The following CA8 variants were observed in gnomAD, a reference collection of about 807,000 sequenced individuals.
The protein encoded by CA8 is carbonic anhydrase-related protein.
Under a neutral mutation model 41.4 loss-of-function variants are expected in CA8, and 22 were observed. The observed-to-expected ratio is 0.53, with a 90% CI of 0.38 to 0.76. The LOEUF is 0.76. Among genes scored for constraint, CA8 ranks in the 30% least tolerant of loss-of-function variants. The pLI, the probability that CA8 is intolerant of heterozygous loss-of-function variation, is 0.00. For missense variants in CA8, 270 were observed against 352.8 expected (o/e 0.77, Z 1.88); for synonymous variants, 121 against 130.6 (o/e 0.93, Z 0.50).
intron 3 of CA8, among the ~76,000 whole-genome samples, chr8:60,254,431 G>T (rs1220424590): frequency 6.6e-6 from 1 of 152,148 alleles, no homozygotes; most frequent in Non-Finnish European, 1.5e-5. Flanking sequence ...AATATAGTCA[G>T]TCTCTAGATC....
intron 8 of CA8, among the ~76,000 whole-genome samples, chr8:60,191,813 C>A: frequency 6.6e-6 from 1 of 152,106 alleles, no homozygotes; most frequent in East Asian, 1.9e-4. Flanking sequence ...AATACACAGT[C>A]ATTCTAATCA....
intron 3 of CA8, among the ~76,000 whole-genome samples, chr8:60,261,738 C>T (rs114439004): frequency 0.034 from 5,125 of 152,198 alleles, 282 homozygotes; most frequent in African/African-American, 0.11. Flanking sequence ...CTGTTGGTCT[C>T]CCCATCACTT....
At chr8:60,224,473 G>A in intron 6 of CA8, 64 bp downstream of exon 6, 1 of 953,164 alleles carries the variant, frequency 1.0e-6, no homozygotes, top group Non-Finnish European at 1.7e-6. Context: ...TACATAGTCT[G>A]AAGAAAACAA....
intron 3 of CA8, among the ~76,000 whole-genome samples, chr8:60,249,566 A>G (rs1285542394): frequency 6.6e-6 from 1 of 152,196 alleles, no homozygotes; most frequent in African/African-American, 2.4e-5. Flanking sequence ...CAGAAAAGTA[A>G]TATTTCTTAA....
At position 60,277,568 on chromosome 8, in the gene CA8, T is replaced by C. The variant is rs554956875; in HGVS notation, c.292+2121A>G. On this transcript the variant is annotated intron_variant, in intron 2 of 8. Coordinates refer to ENST00000317995, the MANE Select transcript of CA8 (RefSeq NM_004056.6). ...TGGGGTTTCACCATGTTGGTCAGGCTGGTGTCGAACTCCTGACCTCCACTG... is the reference window on the plus strand; with the variant it reads ...TGGGGTTTCACCATGTTGGTCAGGCCGGTGTCGAACTCCTGACCTCCACTG... Among the ~76,000 whole-genome samples, 7 of 152,274 alleles carry C rather than the reference T, an allele frequency of 4.6e-5. No individual in the cohort carries two copies. In the South Asian group the frequency reaches 1.5e-3, roughly 32 times the overall value.
intron 8 of CA8, among the ~76,000 whole-genome samples, chr8:60,191,079 A>G (rs1005537343): frequency 1.3e-5 from 2 of 151,592 alleles, no homozygotes; most frequent in African/African-American, 4.8e-5. Flanking sequence ...TCCAAACTAT[A>G]TATTTTTTCC....
intron 4 of CA8, among the ~76,000 whole-genome samples, chr8:60,230,311 C>T (rs1807597716): frequency 6.6e-6 from 1 of 152,182 alleles, no homozygotes. Flanking sequence ...GACTTTTCCA[C>T]ATCAGTGACA....
chr8:60,248,694 C>A (rs1004328437), intron 3 of CA8, among the ~76,000 whole-genome samples: 1 of 152,112 alleles, frequency 6.6e-6, no homozygotes, highest in African/African-American at 2.4e-5. Flanking sequence ...ATGATGTCAC[C>A]AGCTTTTTTC....
intron 7 of CA8, among the ~76,000 whole-genome samples, chr8:60,211,600 C>T (rs1330967286): frequency 6.6e-6 from 1 of 152,150 alleles, no homozygotes; most frequent in Non-Finnish European, 1.5e-5. Flanking sequence ...CAGGCCTCAC[C>T]CTGAAGCACA....
intron 7 of CA8, among the ~76,000 whole-genome samples, chr8:60,218,019 A>G (rs533261605): frequency 1.3e-5 from 2 of 152,284 alleles, no homozygotes; most frequent in East Asian, 1.9e-4. Context: ...CTGAGGCTCA[A>G]TGAGGAAGTC....
chr8:60,269,313 T>C (rs892964391), intron 2 of CA8, among the ~76,000 whole-genome samples: 1 of 152,160 alleles, frequency 6.6e-6, no homozygotes, highest in Non-Finnish European at 1.5e-5. Flanking sequence ...TTTTGCTGAG[T>C]GATATTGGGT....
chr8:60,275,446 T>C (rs1328352852), intron 2 of CA8, among the ~76,000 whole-genome samples: 3 of 151,260 alleles, frequency 2.0e-5, no homozygotes, highest in Non-Finnish European at 2.9e-5. Flanking sequence ...ATGAAATAAA[T>C]ACTGGATGTT....
chr8:60,224,676 A>T, intron 5 of CA8, 91 bp from the exon 6 acceptor site: 1 of 827,236 alleles, frequency 1.2e-6, no homozygotes, highest in South Asian at 1.4e-5. Context: ...ATTAGAATGA[A>T]GTCTTTTCTG....
At chr8:60,215,358 TACACACACAC>T (rs144232916) in intron 7 of CA8, among the ~76,000 whole-genome samples, 28 of 144,100 alleles carry the variant, frequency 1.9e-4, no homozygotes, top group African/African-American at 2.5e-4. Context: ...TGTGTGTGTA[TACACACACAC>T]ACACACACAC....
At chr8:60,225,279 T>C (rs1024186971) in intron 5 of CA8, among the ~76,000 whole-genome samples, 2 of 152,176 alleles carry the variant, frequency 1.3e-5, no homozygotes, top group Admixed American at 6.5e-5. Flanking sequence ...GACTCAGATG[T>C]TTCTTAAAAG....
At chr8:60,280,957 G>A in intron 1 of CA8, 91 bp downstream of exon 1, 1 of 907,642 alleles carries the variant, frequency 1.1e-6, no homozygotes, top group East Asian at 2.5e-5. Context: ...GGTGCTCGGA[G>A]CGCGCAGCGG....
intron 8 of CA8, among the ~76,000 whole-genome samples, chr8:60,206,776 C>T (rs1295083217): frequency 1.3e-5 from 2 of 152,086 alleles, no homozygotes; most frequent in Admixed American, 1.3e-4. Context: ...CCCATCCTCT[C>T]AGCAAAAGCC....
In CA8 at chr8:60,278,233, A is replaced by C. The variant is rs554027968; in HGVS notation, c.292+1456T>G. On this transcript the variant is annotated intron_variant, in intron 2 of 8. Coordinates refer to ENST00000317995, the MANE Select transcript of CA8 (RefSeq NM_004056.6). ...CAGATGCAGTGGAGTATATGTGCTT[A>C]GTCATTGCTCTCTGCTCCCACAACC... Among the ~76,000 whole-genome samples, 20 of 152,316 alleles carry C rather than the reference A, an allele frequency of 1.3e-4. No individual in the cohort carries two copies. In the South Asian group the frequency reaches 3.3e-3, roughly 25 times the overall value.
intron 3 of CA8, among the ~76,000 whole-genome samples, chr8:60,257,490 C>T (rs1353444696): frequency 6.6e-6 from 1 of 152,244 alleles, no homozygotes; most frequent in Non-Finnish European, 1.5e-5. Flanking sequence ...CCTGAGATTG[C>T]AGAGGTTAGA....
Sources: gnomAD v4.1 joint callset for allele counts (sites outside exome capture counted in the v4.1 genomes callset) on GRCh38, gnomAD v4.1.1 for gene constraint, MANE v1.5 for transcripts, NCBI Gene and HGNC (gene_info 2026-07-23, HGNC 2026-07-21) for gene names.